TMEM132B: variants seen among roughly 807,000 people sequenced by gnomAD.
TMEM132B encodes the protein transmembrane protein 132B.
TMEM132B carries 18 observed loss-of-function variants against 90.8 expected under a neutral mutation model. The ratio of observed to expected loss-of-function variants is 0.20; its 90% CI spans 0.14 to 0.29. TMEM132B has a LOEUF of 0.29. Among genes scored for constraint, TMEM132B ranks in the 10% least tolerant of loss-of-function variants. The pLI, the probability that TMEM132B is intolerant of heterozygous loss-of-function variation, is 1.00. For synonymous variants in TMEM132B, 504 were observed against 523.3 expected, an observed-to-expected ratio of 0.96 and a Z score of 0.50; for missense variants, 1,096 against 1,326.8, an observed-to-expected ratio of 0.83 and a Z score of 2.70.
intron 1 of TMEM132B, among the ~76,000 whole-genome samples, chr12:125,187,766 C>T (rs894662010): frequency 9.5e-5 from 14 of 147,116 alleles, no homozygotes; most frequent in Non-Finnish European, 2.0e-4. Context: ...AATGACAATT[C>T]CTCCCCTCCC....
At chr12:125,233,452 A>G (rs1468503532) in intron 1 of TMEM132B, among the ~76,000 whole-genome samples, 4 of 152,182 alleles carry the variant, frequency 2.6e-5, no homozygotes, top group East Asian at 1.9e-4. Context: ...AGATGTCCCA[A>G]TAGCCATTTT....
intron 3 of TMEM132B, among the ~76,000 whole-genome samples, chr12:125,427,016 T>C (rs116788290): frequency 0.011 from 1,690 of 152,348 alleles, 30 homozygotes; most frequent in African/African-American, 0.037. Flanking sequence ...TAAAAGTGTT[T>C]AGAAATACAC....
At chr12:125,293,347 A>C (rs941361534) in intron 1 of TMEM132B, among the ~76,000 whole-genome samples, 3 of 152,232 alleles carry the variant, frequency 2.0e-5, no homozygotes, top group East Asian at 3.8e-4. Flanking sequence ...CAGGTTTGTT[A>C]CATGGGTATG....
intron 2 of TMEM132B, among the ~76,000 whole-genome samples, chr12:125,384,316 T>C (rs1163058438): frequency 6.6e-6 from 1 of 152,242 alleles, no homozygotes; most frequent in Non-Finnish European, 1.5e-5. Context: ...AGTTTTCTCA[T>C]GTACCCTTAG....
chr12:125,371,272 C>G (rs1878284719), intron 2 of TMEM132B, among the ~76,000 whole-genome samples: 1 of 152,172 alleles, frequency 6.6e-6, no homozygotes, highest in Non-Finnish European at 1.5e-5. Flanking sequence ...GACTCTGACT[C>G]AAATGTTAAT....
chr12:125,238,317 C>T (rs1873981264), intron 1 of TMEM132B, among the ~76,000 whole-genome samples: 1 of 142,706 alleles, frequency 7.0e-6, no homozygotes, highest in Non-Finnish European at 1.5e-5. Context: ...CGCACCACTG[C>T]ACTCCAGCCT....
At position 125,350,293 on chromosome 12, in the gene TMEM132B, C is replaced by G; in HGVS notation, c.909C>G (p.Thr303=). The stretch of plus-strand genomic sequence containing the variant: ...TAGTCCGGGAAGGGGACACGGCCAC[C>G]TTTTTGGTCTCTCTGACCAGTAGCT... ...LNLVREGDTA[T]FLVSLTSSSV... is the part of the protein sequence containing the mutation. The change falls in exon 2 of 9, where the codon ACC becomes ACG. Residue 303 remains threonine (T), a synonymous_variant. Coordinates refer to ENST00000682704, the MANE Select transcript of TMEM132B (RefSeq NM_001366854.1). 1 of 1,613,754 alleles carries G rather than the reference C, an allele frequency of 6.2e-7. No individual in the cohort carries two copies. The highest frequency in any genetic ancestry group is 8.5e-7 in the Non-Finnish European group (1 of 1,180,022).
At chr12:125,429,913 G>T (rs143744641) in intron 3 of TMEM132B, among the ~76,000 whole-genome samples, 3 of 152,152 alleles carry the variant, frequency 2.0e-5, no homozygotes, top group Non-Finnish European at 2.9e-5. Context: ...GGCACAGTGC[G>T]TGCAGCCCAC....
chr12:125,260,633 T>C (rs925501863), intron 1 of TMEM132B, among the ~76,000 whole-genome samples: 17 of 152,152 alleles, frequency 1.1e-4, no homozygotes. Flanking sequence ...CCACTGTGCC[T>C]GGTCAATATT....
intron 2 of TMEM132B, among the ~76,000 whole-genome samples, chr12:125,412,911 G>C (rs1879895141): frequency 6.6e-6 from 1 of 152,068 alleles, no homozygotes; most frequent in Non-Finnish European, 1.5e-5. Flanking sequence ...TTGGACCCCA[G>C]AATTCAGCGG....
chr12:125,275,035 G>A (rs1397064888), intron 1 of TMEM132B, among the ~76,000 whole-genome samples: 2 of 152,110 alleles, frequency 1.3e-5, no homozygotes, highest in East Asian at 1.9e-4. Flanking sequence ...CCATCTGTTC[G>A]ACTGCCACTC....
intron 2 of TMEM132B, among the ~76,000 whole-genome samples, chr12:125,390,824 A>C (rs73235403): frequency 0.013 from 2,043 of 152,304 alleles, 24 homozygotes; most frequent in Non-Finnish European, 0.021. Context: ...CGAGAGAGAG[A>C]GAACCACCTG....
At chr12:125,524,405 T>A (rs1181727034) in intron 4 of TMEM132B, among the ~76,000 whole-genome samples, 1 of 152,218 alleles carries the variant, frequency 6.6e-6, no homozygotes, top group Non-Finnish European at 1.5e-5. Context: ...TCGAGGTAGG[T>A]GGCAGTGAGA....
At chr12:125,447,919 G>A (rs1881047800) in intron 3 of TMEM132B, among the ~76,000 whole-genome samples, 1 of 152,016 alleles carries the variant, frequency 6.6e-6, no homozygotes, top group African/African-American at 2.4e-5. Flanking sequence ...GCCTTTTTAA[G>A]AATCAAAATA....
In TMEM132B at chr12:125,406,119, T is replaced by C. The variant is rs1433150853; in HGVS notation, c.960-9412T>C. ...TGGTTAACTCAAACGTTAGTAGATA[T>C]GCTTAACTAGATCTTTTTGCTAGTG... is the stretch of plus-strand genomic sequence containing the variant. On this transcript the variant is annotated intron_variant, in intron 2 of 8. Transcript: ENST00000682704. The surrounding 1 kb of genome is among the most constrained non-coding windows in gnomAD (Gnocchi z 8.3). Among the ~76,000 whole-genome samples, 1 of 152,218 alleles carries C rather than the reference T, an allele frequency of 6.6e-6. No homozygotes were observed. Among genetic ancestry groups the C allele is most frequent in the East Asian group, 1.9e-4 (1 of 5,196 alleles).
chr12:125,389,453 T>C (rs1164925043), intron 2 of TMEM132B, among the ~76,000 whole-genome samples: 2 of 151,866 alleles, frequency 1.3e-5, no homozygotes, highest in Non-Finnish European at 2.9e-5. Flanking sequence ...TATCTCTTCC[T>C]GCTCTCTAGC....
rs111351519 is a variant in TMEM132B, at chr12:125,432,501, ATGTGTGTGTG to A, written c.1106+16826_1106+16835del. On this transcript the variant is annotated intron_variant, in intron 3 of 8. Coordinates refer to ENST00000682704, the MANE Select transcript of TMEM132B (RefSeq NM_001366854.1). ...TGTATATATATGTATGTGTATATAT[ATGTGTGTGTG>A]TATATATATATATATATAGAGAGAG... Among the ~76,000 whole-genome samples, 68 of 29,986 alleles carry A rather than the reference ATGTGTGTGTG, an allele frequency of 2.3e-3. 10 individuals are homozygous for A. The highest frequency in any genetic ancestry group is 0.014 in the African/African-American group (41 of 2,872). The allele number at this position is 29,986 out of a possible 152,430, so 19.7% of individuals were successfully genotyped here.
chr12:125,292,843 C>G (rs1875577013), intron 1 of TMEM132B, among the ~76,000 whole-genome samples: 1 of 152,240 alleles, frequency 6.6e-6, no homozygotes, highest in African/African-American at 2.4e-5. Context: ...TGCCTCTGAA[C>G]TCATTCAGTG....
intron 3 of TMEM132B, among the ~76,000 whole-genome samples, chr12:125,461,898 C>T (rs983220965): frequency 6.6e-6 from 1 of 152,208 alleles, no homozygotes; most frequent in Admixed American, 6.5e-5. Flanking sequence ...TTCTCGACCT[C>T]GCTGTGCTGT....
Sources: allele counts gnomAD v4.1 joint callset (sites outside exome capture counted in the v4.1 genomes callset), GRCh38; gene constraint gnomAD v4.1.1; non-coding constraint Gnocchi (gnomAD v3.1); transcripts MANE v1.5; gene names NCBI Gene and HGNC (gene_info 2026-07-23, HGNC 2026-07-21).